Variants in ADD1 observed in about 807,000 individuals in gnomAD.
ADD1 encodes alpha-adducin.
ADD1 carries 24 observed loss-of-function variants against 80.5 expected under a neutral mutation model. The ratio of observed to expected loss-of-function variants is 0.30; its 90% CI spans 0.22 to 0.42. ADD1 has a LOEUF of 0.42. Ranked by LOEUF, ADD1 falls within the 10% of genes least tolerant of loss-of-function variation. The pLI is 1.00. For missense variants in ADD1, 948 were observed against 1,019.0 expected, an observed-to-expected ratio of 0.93 and a Z score of 0.95; for synonymous variants, 373 against 393.8, an observed-to-expected ratio of 0.95 and a Z score of 0.63.
At chr4:2,888,541 A>G (rs963964032) in intron 4 of ADD1, among the ~76,000 whole-genome samples, 5 of 151,620 alleles carry the variant, frequency 3.3e-5, no homozygotes, top group Admixed American at 1.3e-4. Context: ...TCAGCCTCCC[A>G]AGTAGCAGGG....
intron 1 of ADD1, among the ~76,000 whole-genome samples, chr4:2,846,638 G>A (rs1726236203): frequency 6.6e-6 from 1 of 151,974 alleles, no homozygotes; most frequent in African/African-American, 2.4e-5. Context: ...TTATTTACTA[G>A]GTTTCACATA....
chr4:2,892,109 T>C (rs1444252285), intron 4 of ADD1, among the ~76,000 whole-genome samples: 2 of 152,098 alleles, frequency 1.3e-5, no homozygotes, highest in African/African-American at 4.8e-5. Flanking sequence ...GAGGCTGGGG[T>C]AAGCATCCTC....
rs1439513805 is a variant in ADD1, at chr4:2,926,293, G to A, written c.2047+181G>A. The A allele has an allele frequency of 1.4e-6, 1 of 730,004 alleles. No homozygotes were observed. The highest frequency in any genetic ancestry group is 2.5e-6 in the Non-Finnish European group (1 of 405,918). 45.2% of individuals were successfully genotyped at this position (730,004 alleles called of 1,614,324 possible). A position where few individuals can be genotyped will look rare whatever the true frequency, so the allele number is the denominator to read the frequency against. The stretch of plus-strand genomic sequence containing the variant: ...GTCCTGGGTAACTCCAGGCAAAACA[G>A]ATTTGTATGTGAGCTGTGACCAGGT... On this transcript the variant is annotated intron_variant, in intron 15 of 15. Coordinates refer to ENST00000683351, the MANE Select transcript of ADD1 (RefSeq NM_001354761.2). This position sits in a 1 kb window ranked among gnomAD's most constrained non-coding sequence, Gnocchi z 5.0.
intron 1 of ADD1, among the ~76,000 whole-genome samples, chr4:2,851,846 C>T (rs570772185): frequency 1.0e-4 from 15 of 146,050 alleles, no homozygotes; most frequent in South Asian, 6.5e-4. Flanking sequence ...AGTTTTTATT[C>T]TTTTTTTTTT....
At chr4:2,878,858 G>C (rs1452470923) in intron 2 of ADD1, among the ~76,000 whole-genome samples, 3 of 152,186 alleles carry the variant, frequency 2.0e-5, no homozygotes, top group African/African-American at 7.2e-5. Flanking sequence ...CTAAGCCAGT[G>C]AGGGAGTTCA....
chr4:2,928,502 C>T lies in ADD1; in HGVS notation c.2379C>T (p.Ser793=). The T allele has an allele frequency of 2.5e-6, 4 of 1,613,498 alleles. No homozygotes were observed. The highest frequency in any genetic ancestry group is 2.2e-5 in the South Asian group (2 of 91,060). The change falls in exon 16 of 16, where the codon AGC becomes AGT. Residue 793 remains serine (S), a synonymous_variant. Coordinates refer to ENST00000683351, the MANE Select transcript of ADD1 (RefSeq NM_001354761.2). ...KFRTPSFLKK[S]KKKSDS is the part of the protein sequence containing the mutation. Reference sequence around the variant, plus strand: ...GTACCCCGTCCTTTCTGAAGAAGAGCAAGAAGAAGAGTGACTCCTGAAAGC... The same window carrying T: ...GTACCCCGTCCTTTCTGAAGAAGAGTAAGAAGAAGAGTGACTCCTGAAAGC...
At chr4:2,922,868 T>C (rs1419245364) in intron 14 of ADD1, among the ~76,000 whole-genome samples, 1 of 152,268 alleles carries the variant, frequency 6.6e-6, no homozygotes, top group Admixed American at 6.5e-5. Context: ...GCAGTCTGGC[T>C]ACAGTGGCTT....
In ADD1 at chr4:2,875,241, A is replaced by G. The variant is rs549682388; in HGVS notation, c.-20-655A>G. Among the ~76,000 whole-genome samples the G allele has an allele frequency of 1.1e-3, 162 of 152,192 alleles. 1 individual carries two copies. Among genetic ancestry groups the G allele is most frequent in the Non-Finnish European group, 1.2e-3 (81 of 68,004 alleles). ...AAGACCCTGTTCCCCTCCCCCCGAG[A>G]AAAGAATGTAATGTCAGTAGCCATA... On this transcript the variant is annotated intron_variant, in intron 1 of 15. Transcript: ENST00000683351.
chr4:2,882,530 A>G (rs1732528687), intron 3 of ADD1, among the ~76,000 whole-genome samples: 1 of 152,244 alleles, frequency 6.6e-6, no homozygotes, highest in Admixed American at 6.5e-5. Context: ...TTGCCATGGC[A>G]ATTGAGTTTG....
Position 2,907,760 on chromosome 4 carries a change from A to G in ADD1, c.1524A>G (p.Gly508=), listed in dbSNP as rs773627563. 2 of 1,614,032 alleles carry G rather than the reference A, an allele frequency of 1.2e-6. No individual in the cohort carries two copies. Among genetic ancestry groups the G allele is most frequent in the Admixed American group, 3.3e-5 (2 of 60,028 alleles). Residue 508 remains glycine, a synonymous_variant, in exon 11 of 16, where the codon GGA becomes GGG. Transcript: ENST00000683351. The stretch of plus-strand genomic sequence containing the variant: ...TATTACAGTGGACTAAAGAGGATGG[A>G]CATAGAACTTCCACCTCTGCTGTCC... ...ITNCLWTKED[G]HRTSTSAVPN...
chr4:2,900,297 C>T (rs561542085), intron 9 of ADD1: 1 of 152,450 alleles, frequency 6.6e-6, no homozygotes, highest in South Asian at 2.1e-4. Flanking sequence ...GAACACTGCC[C>T]TTGGGGTCTC....
Position 2,928,573 on chromosome 4 carries a change from C to T in ADD1, c.*50C>T, listed in dbSNP as rs754851241. On this transcript the variant is annotated 3_prime_UTR_variant, in exon 16 of 16. Transcript: ENST00000683351. Reference sequence around the variant, plus strand: ...TCCGGAGCGACCCTGGCTCTGCCAGCGTCCCCGGCCACGTCTGTGCTCTGT... The same window carrying T: ...TCCGGAGCGACCCTGGCTCTGCCAGTGTCCCCGGCCACGTCTGTGCTCTGT... 190 of 1,557,396 alleles carry T rather than the reference C, an allele frequency of 1.2e-4. No homozygotes were observed. Among genetic ancestry groups the T allele is most frequent in the Non-Finnish European group, 1.6e-4 (183 of 1,146,172 alleles).
intron 3 of ADD1, among the ~76,000 whole-genome samples, chr4:2,882,527 G>A (rs1438757803): frequency 1.3e-5 from 2 of 152,204 alleles, no homozygotes; most frequent in Non-Finnish European, 2.9e-5. Flanking sequence ...GCTTTGCCAT[G>A]GCAATTGAGT....
chr4:2,896,708 C>T (rs935611136), intron 6 of ADD1, among the ~76,000 whole-genome samples: 1 of 152,042 alleles, frequency 6.6e-6, no homozygotes, highest in African/African-American at 2.4e-5. Context: ...TTTTAAAGAA[C>T]TATTAAAGGT....
intron 8 of ADD1, chr4:2,899,045 T>A (rs1346860123): frequency 3.6e-6 from 2 of 561,568 alleles, no homozygotes; most frequent in Admixed American, 6.9e-5. Context: ...GTTTTCTCAT[T>A]TCTCTGCCAA....
chr4:2,905,681 G>A (rs1225267596), intron 10 of ADD1: 1 of 156,236 alleles, frequency 6.4e-6, no homozygotes, highest in Non-Finnish European at 1.4e-5. Flanking sequence ...TGTTGCATGT[G>A]AGTAGACGGC....
At chr4:2,892,351 A>G (rs1243653326) in intron 4 of ADD1, among the ~76,000 whole-genome samples, 3 of 152,348 alleles carry the variant, frequency 2.0e-5, no homozygotes, top group African/African-American at 7.2e-5. Flanking sequence ...ATCATTATAA[A>G]AACTAGAATG....
rs35119648 is a variant in ADD1 at position 2,915,202 on chromosome 4, A to G, written c.1948+162A>G. On this transcript the variant is annotated intron_variant, in intron 14 of 15. Transcript: ENST00000683351. ...GTACTCATTTCCAACCTAGTCACTC[A>G]GGCCAGAATGGAAGAAATTGCTGGC... is the stretch of plus-strand genomic sequence containing the variant. 2.4e-3 allele frequency among the ~76,000 whole-genome samples: 371 copies of G among 152,354 alleles called. 4 individuals carry two copies. Among genetic ancestry groups the G allele is most frequent in the African/African-American group, 8.6e-3 (356 of 41,576 alleles).
At chr4:2,904,735 G>T (rs375585792) in intron 9 of ADD1, 29 bp from the exon 10 acceptor site, 8 of 1,580,238 alleles carry the variant, frequency 5.1e-6, no homozygotes, top group Non-Finnish European at 6.9e-6. Context: ...CTGGAATATT[G>T]ACTGTCTTTC....
Sources: gnomAD v4.1 joint callset for allele counts (sites outside exome capture counted in the v4.1 genomes callset) on GRCh38, gnomAD v4.1.1 for gene constraint, Gnocchi (gnomAD v3.1) non-coding constraint, MANE v1.5 for transcripts, NCBI Gene and HGNC (gene_info 2026-07-23, HGNC 2026-07-21) for gene names.